Variants in EBF2 observed in about 807,000 individuals in gnomAD.
EBF2 encodes the protein transcription factor COE2.
A neutral mutation model predicts 72.8 loss-of-function variants in EBF2; 21 were observed. That is an observed-to-expected ratio of 0.29 (90% CI 0.20 to 0.42). The LOEUF is 0.42. Among genes scored for constraint, EBF2 ranks in the 10% least tolerant of loss-of-function variants. The probability of loss-of-function intolerance (pLI) is 1.00; values close to 1 mark genes in which losing one functional copy is unlikely to be tolerated. For synonymous variants in EBF2, 299 were observed against 274.2 expected, an observed-to-expected ratio of 1.09 and a Z score of -0.89; for missense variants, 637 against 731.2, an observed-to-expected ratio of 0.87 and a Z score of 1.49.
intron 6 of EBF2, among the ~76,000 whole-genome samples, chr8:25,997,310 C>T (rs774550684): frequency 6.6e-6 from 1 of 152,166 alleles, no homozygotes; most frequent in Non-Finnish European, 1.5e-5. Context: ...GTGGCTCACA[C>T]TTGTAATCCT....
At position 26,002,852 on chromosome 8, in the gene EBF2, AGGCG is replaced by A. The variant is rs1452924644; in HGVS notation, c.551+30229_551+30232del. Among the ~76,000 whole-genome samples, 209 of 90,740 alleles carry A rather than the reference AGGCG, an allele frequency of 2.3e-3. 3 individuals carry two copies. Among genetic ancestry groups the A allele is most frequent in the East Asian group, 6.1e-3 (17 of 2,780 alleles). 59.5% of individuals were successfully genotyped at this position (90,740 alleles called of 152,430 possible). A position where few individuals can be genotyped will look rare whatever the true frequency, so the allele number is the denominator to read the frequency against. On this transcript the variant is annotated intron_variant, in intron 6 of 15. Coordinates refer to ENST00000520164, the MANE Select transcript of EBF2 (RefSeq NM_022659.4). ...CAGGCAGGCAGGCAGGCAGGCAGGC[AGGCG>A]GGCAGGCGGGCAGGCGGGCAGGCGG...
intron 5 of EBF2, among the ~76,000 whole-genome samples, chr8:26,037,003 C>CT (rs1250093238): frequency 1.3e-5 from 2 of 152,164 alleles, no homozygotes; most frequent in East Asian, 3.8e-4. Flanking sequence ...CAGAGGTGCT[C>CT]TTTTTTCCTA....
At chr8:25,929,682 A>T (rs1218394185) in intron 6 of EBF2, among the ~76,000 whole-genome samples, 1 of 152,204 alleles carries the variant, frequency 6.6e-6, no homozygotes, top group Admixed American at 6.5e-5. Context: ...CCTTTGGTCC[A>T]CAATGACTCC....
intron 6 of EBF2, among the ~76,000 whole-genome samples, chr8:25,955,984 G>T (rs754728807): frequency 6.6e-6 from 1 of 151,830 alleles, no homozygotes; most frequent in Non-Finnish European, 1.5e-5. Flanking sequence ...CTGGGCAATG[G>T]AGCAAGACCC....
At chr8:25,961,828 G>T (rs1475669441) in intron 6 of EBF2, among the ~76,000 whole-genome samples, 10 of 152,270 alleles carry the variant, frequency 6.6e-5, no homozygotes, top group Middle Eastern at 3.4e-3. Context: ...CCAAATAGAG[G>T]TATCTATTCC....
intron 6 of EBF2, among the ~76,000 whole-genome samples, chr8:25,992,333 CAAAAAAA>C (rs36020598): frequency 4.8e-4 from 25 of 52,552 alleles, no homozygotes; most frequent in Non-Finnish European, 6.2e-4. Context: ...GACTCTGTCT[CAAAAAAA>C]AAAAAAAAAA....
chr8:25,858,452 G>A lies in EBF2; in HGVS notation c.1395C>T (p.Ser465=). The change falls in exon 14 of 16, where the codon TCC becomes TCT. Residue 465 remains serine (S), a synonymous_variant. Coordinates refer to ENST00000520164, the MANE Select transcript of EBF2 (RefSeq NM_022659.4). Reference sequence around the variant, plus strand: ...TACTGTAATTAGACTGTTGAGGCGTGGAGCTGGAAGAGTATCCCCGCGGAG... The same window carrying A: ...TACTGTAATTAGACTGTTGAGGCGTAGAGCTGGAAGAGTATCCCCGCGGAG... ...SISPRGYSSS[S]TPQQSNYSTS... 6.2e-7 allele frequency: 1 copy of A among 1,614,050 alleles called. No individual in the cohort carries two copies. Among genetic ancestry groups the A allele is most frequent in the Non-Finnish European group, 8.5e-7 (1 of 1,179,998 alleles).
At chr8:25,890,406 G>T (rs769835906) in intron 7 of EBF2, among the ~76,000 whole-genome samples, 16 of 152,202 alleles carry the variant, frequency 1.1e-4, no homozygotes, top group Non-Finnish European at 2.2e-4. Context: ...AGAAGATAAG[G>T]TTGCCATAAT....
chr8:26,008,266 T>G (rs973809576), intron 6 of EBF2, among the ~76,000 whole-genome samples: 3 of 152,224 alleles, frequency 2.0e-5, no homozygotes, highest in African/African-American at 7.2e-5. Context: ...GCATTATGTC[T>G]GCATTCCCAT....
At chr8:25,991,823 G>A (rs1804549086) in intron 6 of EBF2, among the ~76,000 whole-genome samples, 1 of 152,098 alleles carries the variant, frequency 6.6e-6, no homozygotes. Flanking sequence ...TCCAGCCTGA[G>A]CAACAAGAGT....
intron 6 of EBF2, among the ~76,000 whole-genome samples, chr8:26,025,698 A>G (rs143294889): frequency 6.6e-6 from 1 of 152,164 alleles, no homozygotes; most frequent in Non-Finnish European, 1.5e-5. Context: ...ACTTTTTCCC[A>G]GCTACAGAGT....
intron 6 of EBF2, among the ~76,000 whole-genome samples, chr8:26,002,993 A>G: frequency 6.6e-6 from 1 of 151,624 alleles, no homozygotes; most frequent in Non-Finnish European, 1.5e-5. Flanking sequence ...GCTCCCAGAC[A>G]GCTCTCATCT....
chr8:25,863,654 G>A (rs1802250666), intron 10 of EBF2, among the ~76,000 whole-genome samples: 1 of 152,024 alleles, frequency 6.6e-6, no homozygotes, highest in African/African-American at 2.4e-5. Context: ...CTGTTATGCA[G>A]CAATAAACAC....
chr8:25,997,823 C>T (rs1206402326), intron 6 of EBF2, among the ~76,000 whole-genome samples: 1 of 152,058 alleles, frequency 6.6e-6, no homozygotes, highest in African/African-American at 2.4e-5. Flanking sequence ...AGAAAAAGAA[C>T]AGCAATGTTG....
intron 6 of EBF2, among the ~76,000 whole-genome samples, chr8:25,986,938 A>G (rs577003656): frequency 1.3e-5 from 2 of 152,210 alleles, no homozygotes; most frequent in African/African-American, 4.8e-5. Context: ...CCAGGCCTCC[A>G]CCTGGCCATG....
intron 6 of EBF2, among the ~76,000 whole-genome samples, chr8:25,947,426 T>C: frequency 6.6e-6 from 1 of 152,232 alleles, no homozygotes; most frequent in Non-Finnish European, 1.5e-5. Flanking sequence ...GTCTCAGGCA[T>C]GTCTTTATTA....
intron 6 of EBF2, among the ~76,000 whole-genome samples, chr8:25,953,697 G>A (rs1803898620): frequency 6.6e-6 from 1 of 152,202 alleles, no homozygotes; most frequent in Non-Finnish European, 1.5e-5. Flanking sequence ...AATAAGAGAA[G>A]GCTGGCCCCA....
At chr8:26,007,646 A>T (rs1014314208) in intron 6 of EBF2, among the ~76,000 whole-genome samples, 1 of 152,192 alleles carries the variant, frequency 6.6e-6, no homozygotes, top group South Asian at 2.1e-4. Context: ...TCACCCCTGC[A>T]TGAAGCTCCT....
intron 10 of EBF2, among the ~76,000 whole-genome samples, chr8:25,881,950 T>C (rs1802612185): frequency 6.6e-6 from 1 of 152,180 alleles, no homozygotes; most frequent in Admixed American, 6.5e-5. Flanking sequence ...GGCTCCCTTA[T>C]CTGCTGAGAA....
Sources: allele counts gnomAD v4.1 joint callset (sites outside exome capture counted in the v4.1 genomes callset), GRCh38; gene constraint gnomAD v4.1.1; transcripts MANE v1.5; gene names NCBI Gene and HGNC (gene_info 2026-07-23, HGNC 2026-07-21).